The following MALRD1 variants were observed in gnomAD, a reference collection of about 807,000 sequenced individuals.
MALRD1 encodes the protein MAM and LDL receptor class A domain containing 1.
MALRD1 carries 247 observed loss-of-function variants against 242.1 expected under a neutral mutation model. That is an observed-to-expected ratio of 1.02 (90% confidence interval 0.92 to 1.13). The LOEUF (loss-of-function observed/expected upper bound fraction) is 1.13, where lower values mean the gene tolerates loss of function less well. Among genes scored for constraint, MALRD1 ranks in the 50% most tolerant of loss-of-function variants. The pLI is 0.00. For synonymous variants in MALRD1, 995 were observed against 866.6 expected (o/e 1.15, Z -2.60); for missense variants, 2,989 against 2,533.1 (o/e 1.18, Z -3.86).
chr10:19,188,543 CTG>C (rs34624442), intron 14 of MALRD1, among the ~76,000 whole-genome samples: 65,288 of 151,796 alleles, frequency 0.43, 14,419 homozygotes, highest in Admixed American at 0.5. Context: ...CGAGTTTACA[CTG>C]TGATCTTTTT....
At chr10:19,501,799 A>T (rs921021780) in intron 31 of MALRD1, among the ~76,000 whole-genome samples, 1 of 152,128 alleles carries the variant, frequency 6.6e-6, no homozygotes, top group East Asian at 1.9e-4. Flanking sequence ...TGGGAGGCTG[A>T]GGCAGGAGGA....
At chr10:19,115,638 CTT>C (rs1836844962) in intron 5 of MALRD1, among the ~76,000 whole-genome samples, 1 of 150,942 alleles carries the variant, frequency 6.6e-6, no homozygotes, top group African/African-American at 2.4e-5. Context: ...ATATGTTTCT[CTT>C]TACTATAAAA....
At chr10:19,525,232 A>G (rs1169913811) in intron 31 of MALRD1, among the ~76,000 whole-genome samples, 1 of 142,226 alleles carries the variant, frequency 7.0e-6, no homozygotes, top group Non-Finnish European at 1.5e-5. Flanking sequence ...CTTTAAAAGT[A>G]TCAACTTTTT....
At chr10:19,681,680 C>T (rs1198551203) in intron 36 of MALRD1, among the ~76,000 whole-genome samples, 1 of 152,136 alleles carries the variant, frequency 6.6e-6, no homozygotes, top group Non-Finnish European at 1.5e-5. Flanking sequence ...ATCTCAGCCT[C>T]AGCCCAGTTC....
At chr10:19,467,867 C>T (rs576945992) in intron 29 of MALRD1, among the ~76,000 whole-genome samples, 100 of 151,990 alleles carry the variant, frequency 6.6e-4, no homozygotes, top group African/African-American at 2.3e-3. Context: ...GATCTCGGCT[C>T]ACTGCAACCT....
intron 33 of MALRD1, among the ~76,000 whole-genome samples, chr10:19,592,762 C>CGT (rs879759467): frequency 0.026 from 2,566 of 99,346 alleles, 75 homozygotes; most frequent in African/African-American, 0.081. Flanking sequence ...CACACACACA[C>CGT]GCACGCACAC....
chr10:19,613,886 C>T (rs1327602350), intron 35 of MALRD1, among the ~76,000 whole-genome samples: 1 of 152,068 alleles, frequency 6.6e-6, no homozygotes, highest in Admixed American at 6.6e-5. Flanking sequence ...ACTACCACTA[C>T]TGCCCAAATA....
At chr10:19,731,690 A>G (rs1209109203) in intron 39 of MALRD1, among the ~76,000 whole-genome samples, 2 of 152,112 alleles carry the variant, frequency 1.3e-5, no homozygotes, top group Non-Finnish European at 2.9e-5. Context: ...TTCTTAAGTA[A>G]GTGTTATGAG....
chr10:19,445,366 G>A (rs75935055), intron 28 of MALRD1, among the ~76,000 whole-genome samples: 10 of 152,112 alleles, frequency 6.6e-5, no homozygotes, highest in East Asian at 1.9e-4. Flanking sequence ...TAGGAGCTGC[G>A]TTCCTTTGGA....
chr10:19,675,481 C>T (rs76271623), intron 36 of MALRD1, among the ~76,000 whole-genome samples: 3,742 of 152,164 alleles, frequency 0.025, 83 homozygotes, highest in African/African-American at 0.055. Context: ...CCCAGACCAG[C>T]GGAGGCAGCA....
chr10:19,315,015 A>AGAAATATG (rs1346026157), intron 21 of MALRD1, among the ~76,000 whole-genome samples: 2 of 144,852 alleles, frequency 1.4e-5, no homozygotes, highest in African/African-American at 5.0e-5. Context: ...TATAATTTAT[A>AGAAATATG]TAAATATATA....
chr10:19,724,233 G>A (rs1423212254), intron 38 of MALRD1, among the ~76,000 whole-genome samples: 1 of 152,138 alleles, frequency 6.6e-6, no homozygotes, highest in Admixed American at 6.5e-5. Context: ...GACACACCAA[G>A]TGACTTACTG....
chr10:19,237,684 TTA>T (rs1372203632), intron 18 of MALRD1, among the ~76,000 whole-genome samples: 32 of 120,498 alleles, frequency 2.7e-4, no homozygotes, highest in African/African-American at 1.0e-3. Context: ...TATATATAAT[TTA>T]TATATAAATA....
At chr10:19,410,365 C>T (rs146709897) in intron 28 of MALRD1, among the ~76,000 whole-genome samples, 131 of 152,192 alleles carry the variant, frequency 8.6e-4, no homozygotes, top group African/African-American at 2.8e-3. Flanking sequence ...AACCTCAAGG[C>T]GGTCTTCATG....
chr10:19,513,748 GA>G (rs35386619), intron 31 of MALRD1, among the ~76,000 whole-genome samples: 8 of 149,392 alleles, frequency 5.4e-5, no homozygotes, highest in African/African-American at 7.4e-5. Context: ...CAAAAGAAAA[GA>G]AAAAAAAAAT....
chr10:19,076,118 T>G (rs1835309617), intron 2 of MALRD1, among the ~76,000 whole-genome samples: 1 of 151,950 alleles, frequency 6.6e-6, no homozygotes. Context: ...TGTGTTTAAC[T>G]TTTTTATTCT....
At chr10:19,445,346 C>T (rs971016927) in intron 28 of MALRD1, among the ~76,000 whole-genome samples, 7 of 152,148 alleles carry the variant, frequency 4.6e-5, no homozygotes, top group African/African-American at 7.2e-5. Flanking sequence ...ACCTTTGTTC[C>T]GTTGCTGACT....
In MALRD1 at chr10:19,226,751, G is replaced by A. The variant is rs534308932; in HGVS notation, c.2991+17071G>A. 5.2e-4 allele frequency among the ~76,000 whole-genome samples: 79 copies of A among 152,126 alleles called. 1 individual carries two copies. Among genetic ancestry groups the A allele is most frequent in the African/African-American group, 1.9e-3 (79 of 41,558 alleles). Reference sequence around the variant, plus strand: ...AAGAAAAATAATATTCTCATGTGATGTAAACATATACATAGAAAATCCTTA... The same window carrying A: ...AAGAAAAATAATATTCTCATGTGATATAAACATATACATAGAAAATCCTTA... On this transcript the variant is annotated intron_variant, in intron 18 of 39. Coordinates refer to ENST00000454679, the MANE Select transcript of MALRD1 (RefSeq NM_001142308.3).
intron 29 of MALRD1, among the ~76,000 whole-genome samples, chr10:19,452,899 C>T (rs1835406758): frequency 6.6e-6 from 1 of 152,172 alleles, no homozygotes; most frequent in African/African-American, 2.4e-5. Flanking sequence ...TGTCATCTGG[C>T]TCAGGTAAGT....
Sources: gnomAD v4.1 joint callset for allele counts (sites outside exome capture counted in the v4.1 genomes callset) on GRCh38, gnomAD v4.1.1 for gene constraint, MANE v1.5 for transcripts, NCBI Gene and HGNC (gene_info 2026-07-23, HGNC 2026-07-21) for gene names.